Variants in CEP57L1 observed in about 807,000 individuals in gnomAD.
The protein encoded by CEP57L1 is centrosomal protein CEP57L1.
In CEP57L1, 37 loss-of-function variants were observed where a neutral mutation model predicts 61.0. The ratio of observed to expected loss-of-function variants is 0.61; its 90% CI spans 0.47 to 0.80. The LOEUF (loss-of-function observed/expected upper bound fraction) is 0.80, where lower values mean the gene tolerates loss of function less well. CEP57L1 is among the 30% of genes least tolerant of loss of function. The pLI, the probability that CEP57L1 is intolerant of heterozygous loss-of-function variation, is 0.00. For synonymous variants in CEP57L1, 137 were observed against 162.3 expected (o/e 0.84, Z 1.19); for missense variants, 422 against 524.7 (o/e 0.80, Z 1.91).
At chr6:109,149,122 A>C (rs1583609080) in intron 3 of CEP57L1, among the ~76,000 whole-genome samples, 1 of 152,248 alleles carries the variant, frequency 6.6e-6, no homozygotes, top group East Asian at 1.9e-4. Context: ...TCTTTAGTTT[A>C]ATCAGATCCC....
Position 109,160,631 on chromosome 6 carries a change from A to T in CEP57L1, c.1076A>T (p.Asp359Val). 3 of 1,607,418 alleles carry T rather than the reference A, an allele frequency of 1.9e-6. No individual in the cohort carries two copies. Among genetic ancestry groups the T allele is most frequent in the Non-Finnish European group, 2.5e-6 (3 of 1,177,918 alleles). The change falls in exon 10 of 11, where the codon GAC (aspartate) becomes GTC (valine). Residue 359 changes from aspartate (D) to valine (V), a missense_variant. Coordinates refer to ENST00000517392, the MANE Select transcript of CEP57L1 (RefSeq NM_001271852.3). The part of the protein sequence containing the change: ...KETESHSVCD[D>V]IECELECLLK... ...ACTGAAAGTCATTCAGTCTGTGACG[A>T]CATAGAATGTGAACTAGAGTGTTTA...
chr6:109,111,596 C>G (rs1269205610), intron 1 of CEP57L1, among the ~76,000 whole-genome samples: 3 of 152,086 alleles, frequency 2.0e-5, no homozygotes, highest in Non-Finnish European at 4.4e-5. Context: ...TCCTTGTCTT[C>G]TGCCGGTTTT....
At chr6:109,120,495 G>A (rs1032648073) in intron 1 of CEP57L1, among the ~76,000 whole-genome samples, 6 of 152,290 alleles carry the variant, frequency 3.9e-5, no homozygotes, top group Non-Finnish European at 8.8e-5. Flanking sequence ...GGGGAAGGTA[G>A]TGGGTGTAGT....
intron 1 of CEP57L1, among the ~76,000 whole-genome samples, chr6:109,118,058 C>T (rs376726549): frequency 5.9e-5 from 9 of 152,312 alleles, no homozygotes; most frequent in South Asian, 2.1e-4. Context: ...GTTTTTGAGA[C>T]GGAGTCTCAC....
At chr6:109,123,031 T>C (rs942800596) in intron 1 of CEP57L1, among the ~76,000 whole-genome samples, 2 of 152,178 alleles carry the variant, frequency 1.3e-5, no homozygotes, top group African/African-American at 2.4e-5. Flanking sequence ...AGAATTTCTG[T>C]TTCCATGGAC....
Position 109,123,848 on chromosome 6 carries a change from C to G in CEP57L1, c.-3-21371C>G, listed in dbSNP as rs192514087. Among the ~76,000 whole-genome samples the G allele has an allele frequency of 5.3e-5, 8 of 152,224 alleles. No individual in the cohort carries two copies. In the East Asian group the frequency reaches 1.5e-3, roughly 29 times the overall value. On this transcript the variant is annotated intron_variant, in intron 1 of 10. Transcript: ENST00000517392. ...CTTTGGGAGGCCAAGGCGGGCAGAT[C>G]ACCTGATGACAGGAGTTCAAGATTA...
Position 109,171,312 on chromosome 6 carries a change from C to G in CEP57L1, c.*8342C>G, listed in dbSNP as rs991332824. Among the ~76,000 whole-genome samples the G allele has an allele frequency of 6.6e-6, 1 of 151,328 alleles. No homozygotes were observed. Among genetic ancestry groups the G allele is most frequent in the African/African-American group, 2.4e-5 (1 of 41,028 alleles). On this transcript the variant is annotated 3_prime_UTR_variant, in exon 11 of 11. Coordinates refer to ENST00000517392, the MANE Select transcript of CEP57L1 (RefSeq NM_001271852.3). Reference sequence around the variant, plus strand: ...GGAGTGCAATGGCGCGATCTCAGCTCACTGCAACCTCCGCCTCCCAGGTTC... The same window carrying G: ...GGAGTGCAATGGCGCGATCTCAGCTGACTGCAACCTCCGCCTCCCAGGTTC...
chr6:109,102,417 C>G (rs990775412), intron 1 of CEP57L1, among the ~76,000 whole-genome samples: 22 of 152,174 alleles, frequency 1.4e-4, no homozygotes, highest in Non-Finnish European at 2.6e-4. Context: ...CTATATCAGA[C>G]CTGCATTTTG....
In CEP57L1 at chr6:109,171,465, G is replaced by A. The variant is rs1774404342; in HGVS notation, c.*8495G>A. On this transcript the variant is annotated 3_prime_UTR_variant, in exon 11 of 11. Transcript: ENST00000517392. ...TCACCGTGTTAGCCAGGCTGGTCTCGAACTCCTGACCTTAGGTGAACTGCC... is the reference window on the plus strand; with the variant it reads ...TCACCGTGTTAGCCAGGCTGGTCTCAAACTCCTGACCTTAGGTGAACTGCC... Among the ~76,000 whole-genome samples the A allele has an allele frequency of 6.6e-6, 1 of 151,286 alleles. No individual in the cohort carries two copies. The highest frequency in any genetic ancestry group is 2.4e-5 in the African/African-American group (1 of 41,098).
intron 1 of CEP57L1, among the ~76,000 whole-genome samples, chr6:109,122,628 C>T (rs1773101656): frequency 6.6e-6 from 1 of 152,030 alleles, no homozygotes; most frequent in African/African-American, 2.4e-5. Flanking sequence ...TAGTGAAACC[C>T]CATCTCTACT....
chr6:109,173,628 G>T lies in CEP57L1; in HGVS notation c.*10658G>T, dbSNP rs1307549323. On this transcript the variant is annotated 3_prime_UTR_variant, in exon 11 of 11. Transcript: ENST00000517392. ...AAAAAATTTTTTTTTTTGAGGAGACGCGGTCTCACTTTGCTGCCCAGGCTG... is the reference window on the plus strand; with the variant it reads ...AAAAAATTTTTTTTTTTGAGGAGACTCGGTCTCACTTTGCTGCCCAGGCTG... Among the ~76,000 whole-genome samples, 1 of 149,168 alleles carries T rather than the reference G, an allele frequency of 6.7e-6. No individual in the cohort carries two copies. Among genetic ancestry groups the T allele is most frequent in the East Asian group, 2.0e-4 (1 of 5,070 alleles).
At chr6:109,122,187 T>C (rs1286362573) in intron 1 of CEP57L1, among the ~76,000 whole-genome samples, 2 of 152,192 alleles carry the variant, frequency 1.3e-5, no homozygotes, top group Non-Finnish European at 2.9e-5. Context: ...ATTTTTTTGT[T>C]TTGTTTTGTC....
In CEP57L1 at chr6:109,165,166, A is replaced by G. The variant is rs1479731977; in HGVS notation, c.*2196A>G. Among the ~76,000 whole-genome samples the G allele has an allele frequency of 6.6e-6, 1 of 152,176 alleles. No individual in the cohort carries two copies. Among genetic ancestry groups the G allele is most frequent in the African/African-American group, 2.4e-5 (1 of 41,452 alleles). ...AAAAATTAGTCCAGTGTAGTAGAAA[A>G]AACCACAACTTCAGAGCTAGGAAAC... On this transcript the variant is annotated 3_prime_UTR_variant, in exon 11 of 11. Transcript: ENST00000517392.
rs1562512036 is a variant in CEP57L1, at chr6:109,116,123, TG to T, written c.-4+20549del. Among the ~76,000 whole-genome samples, 1,272 of 135,922 alleles carry T rather than the reference TG, an allele frequency of 9.4e-3. 22 individuals carry two copies. The highest frequency in any genetic ancestry group is 0.036 in the African/African-American group (1,185 of 32,628). The allele number at this position is 135,922 out of a possible 152,430, so 89.2% of individuals were successfully genotyped here. On this transcript the variant is annotated intron_variant, in intron 1 of 10. Transcript: ENST00000517392. ...TTATTTTATTTTATTTTATGTTATG[TG>T]TTGTGTTATGTTATGTTATGTTATG...
chr6:109,095,212 C>T, upstream of CEP57L1: 1 of 985,494 alleles, frequency 1.0e-6, no homozygotes, highest in South Asian at 4.7e-5. Context: ...TTTCCGTTCC[C>T]GGACGTTTGG....
At chr6:109,099,883 C>T (rs558411672) in intron 1 of CEP57L1, among the ~76,000 whole-genome samples, 3 of 152,240 alleles carry the variant, frequency 2.0e-5, no homozygotes, top group East Asian at 1.9e-4. Flanking sequence ...TGGGAGACAG[C>T]GAGTATGGAT....
At chr6:109,118,648 T>C (rs1772587959) in intron 1 of CEP57L1, among the ~76,000 whole-genome samples, 1 of 152,234 alleles carries the variant, frequency 6.6e-6, no homozygotes, top group South Asian at 2.1e-4. Flanking sequence ...TTATGACTTC[T>C]GAGCTCTCAA....
intron 7 of CEP57L1, chr6:109,158,748 G>A: frequency 3.8e-6 from 2 of 520,302 alleles, no homozygotes; most frequent in African/African-American, 1.9e-5. Context: ...CTGTGTGCTT[G>A]CCAACATTTG....
In CEP57L1 at chr6:109,166,648, G is replaced by A. The variant is rs1774122405; in HGVS notation, c.*3678G>A. 2.0e-5 allele frequency among the ~76,000 whole-genome samples: 3 copies of A among 152,144 alleles called. No individual in the cohort carries two copies. On this transcript the variant is annotated 3_prime_UTR_variant, in exon 11 of 11. Transcript: ENST00000517392. Reference sequence around the variant, plus strand: ...TCCGCCCACCTCAGCCTCCCAAAGTGCTGGGATTACAGGCATGAGCCACTG... The same window carrying A: ...TCCGCCCACCTCAGCCTCCCAAAGTACTGGGATTACAGGCATGAGCCACTG...
Sources: gnomAD v4.1 joint callset for allele counts (sites outside exome capture counted in the v4.1 genomes callset) on GRCh38, gnomAD v4.1.1 for gene constraint, MANE v1.5 for transcripts, NCBI Gene and HGNC (gene_info 2026-07-23, HGNC 2026-07-21) for gene names.